Variants in KRI1 observed in about 807,000 individuals in gnomAD.
The protein encoded by KRI1 is KRI1 homolog, also known as protein KRI1 homolog.
A neutral mutation model predicts 97.0 loss-of-function variants in KRI1; 83 were observed. The ratio of observed to expected loss-of-function variants is 0.86; its 90% CI spans 0.72 to 1.03. KRI1 has a LOEUF of 1.03. Among genes scored for constraint, KRI1 ranks in the 50% least tolerant of loss-of-function variants. The pLI is 0.00. For missense variants in KRI1, 916 were observed against 928.4 expected (o/e 0.99, Z 0.17); for synonymous variants, 371 against 363.5 (o/e 1.02, Z -0.23).
Position 10,565,937 on chromosome 19 carries a change from G to A in KRI1, c.63C>T (p.Asn21=). 6.5e-7 allele frequency: 1 copy of A among 1,532,700 alleles called. No homozygotes were observed. The highest frequency in any genetic ancestry group is 8.8e-7 in the Non-Finnish European group (1 of 1,141,152). The allele number at this position is 1,532,700 out of a possible 1,614,324, so 94.9% of individuals were successfully genotyped here. A position where few individuals can be genotyped will look rare whatever the true frequency, so the allele number is the denominator to read the frequency against. ...GCAGTTCCTCGCGCTCCCGGTAGCG[G>A]TTGTACCGCGCGGCAAACGCCGCGT... ...RVNAAFAARY[N]RYREREELQR... Residue 21 remains asparagine (N), a synonymous_variant, in exon 1 of 19, where the codon AAC becomes AAT. Transcript: ENST00000312962.
chr19:10,564,053 G>T (rs1367293541), intron 3 of KRI1, among the ~76,000 whole-genome samples: 1 of 151,984 alleles, frequency 6.6e-6, no homozygotes, highest in Non-Finnish European at 1.5e-5. Context: ...GGCTGAGGCA[G>T]GAGAATCGGT....
chr19:10,558,920 T>C (rs1353698267), intron 12 of KRI1, among the ~76,000 whole-genome samples: 1 of 151,924 alleles, frequency 6.6e-6, no homozygotes, highest in Non-Finnish European at 1.5e-5. Context: ...TTGGCCAGGA[T>C]GGTCTCAATC....
In KRI1 at chr19:10,560,316, C is replaced by T. The variant is rs3745249; in HGVS notation, c.796G>A (p.Glu266Lys). The T allele has an allele frequency of 0.45, 720,541 of 1,604,270 alleles. 166,724 individuals are homozygous for T. The highest frequency in any genetic ancestry group is 0.49 in the Middle Eastern group (2,984 of 6,030). ...TGGGGAGATGCAGTGGCTCACCCCT[C>T]CTCTTCCTCCATTTCCTCTTCATCT... ...EEDEEEMEEE[E>K]GVHGPPVQLA... The change falls in exon 9 of 19, where the codon GAG (glutamate) becomes AAG (lysine). Residue 266 changes from glutamate to lysine, a missense_variant. Around this residue, in one of 3 missense-constraint regions of KRI1, gnomAD observed 672 missense variants for 667.2 expected, o/e 1.01. Coordinates refer to ENST00000312962, the MANE Select transcript of KRI1 (RefSeq NM_023008.5).
At position 10,553,754 on chromosome 19, in the gene KRI1, G is replaced by A. The variant is rs956607642; in HGVS notation, c.*197C>T. 2.3e-5 allele frequency: 13 copies of A among 558,492 alleles called. No homozygotes were observed. The highest frequency in any genetic ancestry group is 3.4e-5 in the Non-Finnish European group (11 of 319,286). 34.6% of individuals were successfully genotyped at this position (558,492 alleles called of 1,614,324 possible). On this transcript the variant is annotated 3_prime_UTR_variant, in exon 19 of 19. Coordinates refer to ENST00000312962, the MANE Select transcript of KRI1 (RefSeq NM_023008.5). The stretch of plus-strand genomic sequence containing the variant: ...CCACATTTTGTAGAGATGGAGTCTC[G>A]CTAAGTTGCCCACGCTGGTCTCCAA...
chr19:10,557,620 CGAT>C lies in KRI1; in HGVS notation c.1546_1548del (p.Ile516del), dbSNP rs932991819. On this transcript the variant is annotated inframe_deletion, in exon 16 of 19. Coordinates refer to ENST00000312962, the MANE Select transcript of KRI1 (RefSeq NM_023008.5). ...TACTTGAAGCGACAGGGCAGGTCGT[CGAT>C]GATGTCCTCGTAGTCCAGCCGGTAA... 3.1e-6 allele frequency: 5 copies of C among 1,614,070 alleles called. No homozygotes were observed. The highest frequency in any genetic ancestry group is 4.2e-6 in the Non-Finnish European group (5 of 1,180,030).
Position 10,553,762 on chromosome 19 carries a change from G to A in KRI1, c.*189C>T, listed in dbSNP as rs988330146. On this transcript the variant is annotated 3_prime_UTR_variant, in exon 19 of 19. Coordinates refer to ENST00000312962, the MANE Select transcript of KRI1 (RefSeq NM_023008.5). ...TGTAGAGATGGAGTCTCGCTAAGTTGCCCACGCTGGTCTCCAATTCCTGGG... is the reference window on the plus strand; with the variant it reads ...TGTAGAGATGGAGTCTCGCTAAGTTACCCACGCTGGTCTCCAATTCCTGGG... 4 of 569,670 alleles carry A rather than the reference G, an allele frequency of 7.0e-6. No homozygotes were observed. The highest frequency in any genetic ancestry group is 1.2e-5 in the Non-Finnish European group (4 of 327,440). The allele number at this position is 569,670 out of a possible 1,614,324, so 35.3% of individuals were successfully genotyped here. A position where few individuals can be genotyped will look rare whatever the true frequency, so the allele number is the denominator to read the frequency against.
At position 10,557,767 on chromosome 19, in the gene KRI1, A is replaced by T; in HGVS notation, c.1486+2T>A. ...CCCACGGCCTGCCCACCTGGGCCTCACCGGGTTCAAACACGGGCTTCTCCT... is the reference window on the plus strand; with the variant it reads ...CCCACGGCCTGCCCACCTGGGCCTCTCCGGGTTCAAACACGGGCTTCTCCT... On this transcript the variant is annotated splice_donor_variant, in intron 15 of 18. Coordinates refer to ENST00000312962, the MANE Select transcript of KRI1 (RefSeq NM_023008.5). LOFTEE classifies it high-confidence loss of function. 1 of 1,613,392 alleles carries T rather than the reference A, an allele frequency of 6.2e-7. No individual in the cohort carries two copies. Among genetic ancestry groups the T allele is most frequent in the Non-Finnish European group, 8.5e-7 (1 of 1,179,720 alleles).
rs757405353 is a variant in KRI1 at position 10,557,643 on chromosome 19, C to T, written c.1526G>A (p.Arg509Gln). Residue 509 changes from arginine (R) to glutamine (Q), a missense_variant, in exon 16 of 19, where the codon CGG becomes CAG. This residue lies in a region of KRI1 where 672 missense variants were observed against 667.2 expected (regional missense o/e 1.01). Transcript: ENST00000312962. ...GTCGATGATGTCCTCGTAGTCCAGC[C>T]GGTAATACTCATCCAGGTACTCCTC... Reference protein sequence around the residue: ...TFEEYLDEYYRLDYEDIIDDL... With the variant: ...TFEEYLDEYYQLDYEDIIDDL... The T allele has an allele frequency of 2.1e-5, 34 of 1,614,046 alleles. No individual in the cohort carries two copies. The highest frequency in any genetic ancestry group is 1.9e-4 in the South Asian group (17 of 91,092).
At chr19:10,562,708 G>T (rs1157296125) in intron 4 of KRI1, 21 bp downstream of exon 4, 6 of 1,349,366 alleles carry the variant, frequency 4.4e-6, no homozygotes, top group Non-Finnish European at 4.3e-6. Flanking sequence ...CAGGGGGTGG[G>T]GATGTAGGCC....
intron 16 of KRI1, 147 bp downstream of exon 16, chr19:10,557,405 C>T: frequency 4.2e-6 from 4 of 963,046 alleles, no homozygotes; most frequent in Non-Finnish European, 6.1e-6. Flanking sequence ...CTGCGCCCAA[C>T]CGAATATTAT....
rs548466807 is a variant in KRI1, at chr19:10,561,056, C to T, written c.610G>A (p.Glu204Lys). The change falls in exon 8 of 19, where the codon GAG (glutamate) becomes AAG (lysine). Residue 204 changes from glutamate (E) to lysine (K), a missense_variant. Transcript: ENST00000312962. ...ATCTCTTTCTGTCCCTTCAGCCACT[C>T]GATGTAGTCGGCCTCCTCCTGGGCC... Reference protein sequence around the residue: ...EKAQEEADYIEWLKGQKEIRN... With the variant: ...EKAQEEADYIKWLKGQKEIRN... 7 of 1,614,202 alleles carry T rather than the reference C, an allele frequency of 4.3e-6. No homozygotes were observed. Among genetic ancestry groups the T allele is most frequent in the Non-Finnish European group, 4.2e-6 (5 of 1,180,046 alleles).
Position 10,561,672 on chromosome 19 carries a change from C to T in KRI1, c.483G>A (p.Lys161=), listed in dbSNP as rs779093705. The change falls in exon 6 of 19, where the codon AAG becomes AAA. Residue 161 remains lysine (K), a synonymous_variant. Transcript: ENST00000312962. ...QSYVEEQKQL[K]ESFRAFVEDS... is the part of the protein sequence containing the mutation. ...TCCCGCCCACCCAGCCTCACCTTTC[C>T]TTGAGCTGTTTCTGTTCCTCCACAT... 15 of 1,613,820 alleles carry T rather than the reference C, an allele frequency of 9.3e-6. No homozygotes were observed. The South Asian group carries it at 1.5e-4, about 17-fold the overall frequency.
At position 10,562,850 on chromosome 19, in the gene KRI1, CAA is replaced by C; in HGVS notation, c.275-15_275-14del. 1 of 1,496,806 alleles carries C rather than the reference CAA, an allele frequency of 6.7e-7. No individual in the cohort carries two copies. The highest frequency in any genetic ancestry group is 9.3e-7 in the Non-Finnish European group (1 of 1,072,988). 92.7% of individuals were successfully genotyped at this position (1,496,806 alleles called of 1,614,324 possible). On this transcript the variant is annotated splice_polypyrimidine_tract_variant and intron_variant, in intron 3 of 18. Coordinates refer to ENST00000312962, the MANE Select transcript of KRI1 (RefSeq NM_023008.5). ...TCTGATGACGATGCTGTTAACCCAC[CAA>C]AGACACCTGCCATCACCCACAACCC... is the stretch of plus-strand genomic sequence containing the variant.
Position 10,561,099 on chromosome 19 carries a change from T to C in KRI1, c.586-19A>G. On this transcript the variant is annotated intron_variant, in intron 7 of 18. Transcript: ENST00000312962. ...CCTGGGCCTGGGGGAAAGCTAGCAC[T>C]GAGCATCCGCAGATGCCCAGCCACC... 1 of 1,613,768 alleles carries C rather than the reference T, an allele frequency of 6.2e-7. No individual in the cohort carries two copies. Among genetic ancestry groups the C allele is most frequent in the Non-Finnish European group, 8.5e-7 (1 of 1,179,694 alleles).
At chr19:10,564,039 C>T (rs10414545) in intron 3 of KRI1, among the ~76,000 whole-genome samples, 4 of 149,736 alleles carry the variant, frequency 2.7e-5, no homozygotes, top group African/African-American at 7.4e-5. Context: ...CCAGCTACTC[C>T]GGAGGCTGAG....
rs1218897446 is a variant in KRI1, at chr19:10,555,179, C to G, written c.1689G>C (p.Glu563Asp). 1 of 1,612,200 alleles carries G rather than the reference C, an allele frequency of 6.2e-7. No individual in the cohort carries two copies. Among genetic ancestry groups the G allele is most frequent in the Non-Finnish European group, 8.5e-7 (1 of 1,179,448 alleles). ...SLKKTCMYRS[E>D]QEELRDKRAY... ...CCCGCTTGTCCCGCAGCTCCTCCTG[C>G]TCTGACCTGCAGACAGATGCCCCTG... The change falls in exon 18 of 19, where the codon GAG (glutamate) becomes GAC (aspartate). Residue 563 changes from glutamate to aspartate, a missense_variant. Coordinates refer to ENST00000312962, the MANE Select transcript of KRI1 (RefSeq NM_023008.5).
intron 16 of KRI1, among the ~76,000 whole-genome samples, chr19:10,555,788 T>C (rs1418201592): frequency 6.6e-6 from 1 of 152,184 alleles, no homozygotes; most frequent in Non-Finnish European, 1.5e-5. Flanking sequence ...ATGCCGATGG[T>C]ATAAGCTTAG....
chr19:10,561,065 C>A lies in KRI1; in HGVS notation c.601G>T (p.Asp201Tyr). ...TRQEKAQEEADYIEWLKGQKE... is the reference protein window; with the variant it reads ...TRQEKAQEEAYYIEWLKGQKE... ...TGTCCCTTCAGCCACTCGATGTAGT[C>A]GGCCTCCTCCTGGGCCTGGGGGAAA... is the stretch of plus-strand genomic sequence containing the variant. The change falls in exon 8 of 19, where the codon GAC (aspartate) becomes TAC (tyrosine). Residue 201 changes from aspartate (D) to tyrosine (Y), a missense_variant. Asp to Tyr is a radical substitution (Grantham distance 160). This residue lies in a region of KRI1 where 672 missense variants were observed against 667.2 expected (regional missense o/e 1.01). Coordinates refer to ENST00000312962, the MANE Select transcript of KRI1 (RefSeq NM_023008.5). The A allele has an allele frequency of 6.2e-7, 1 of 1,614,150 alleles. No homozygotes were observed. Among genetic ancestry groups the A allele is most frequent in the East Asian group, 2.2e-5 (1 of 44,888 alleles).
intron 2 of KRI1, 63 bp from the exon 3 acceptor site, chr19:10,565,097 G>C (rs1014044804): frequency 9.2e-7 from 1 of 1,092,136 alleles, no homozygotes; most frequent in East Asian, 2.4e-5. Context: ...CCTGGCGCCA[G>C]CAGGTGAGCT....
Sources: gnomAD v4.1 joint callset for allele counts (sites outside exome capture counted in the v4.1 genomes callset) on GRCh38, gnomAD v4.1.1 for gene constraint, gnomAD v4.1.1 regional missense constraint, MANE v1.5 for transcripts, NCBI Gene and HGNC (gene_info 2026-07-23, HGNC 2026-07-21) for gene names.